ZNF385D: variants seen among roughly 807,000 people sequenced by gnomAD.
The protein encoded by ZNF385D is zinc finger protein 659.
Under a neutral mutation model 35.8 loss-of-function variants are expected in ZNF385D, and 15 were observed. The observed-to-expected ratio is 0.42, with a 90% CI of 0.28 to 0.64. The LOEUF (loss-of-function observed/expected upper bound fraction) is 0.64. ZNF385D is among the 30% of genes least tolerant of loss of function. The pLI is 0.23. For missense variants in ZNF385D, 474 were observed against 494.6 expected (o/e 0.96, Z 0.39); for synonymous variants, 212 against 186.8 (o/e 1.13, Z -1.10).
intron 3 of ZNF385D, among the ~76,000 whole-genome samples, chr3:21,939,840 G>C (rs473544): frequency 6.6e-6 from 1 of 152,138 alleles, no homozygotes; most frequent in Non-Finnish European, 1.5e-5. Context: ...CCTCAGATGT[G>C]AGAGATCTAT....
chr3:22,040,932 A>G (rs61421222), intron 3 of ZNF385D, among the ~76,000 whole-genome samples: 2,632 of 152,238 alleles, frequency 0.017, 85 homozygotes, highest in African/African-American at 0.058. Flanking sequence ...TATAATTTAT[A>G]TACCATACAA....
chr3:22,045,861 G>C (rs531748899), intron 3 of ZNF385D, among the ~76,000 whole-genome samples: 1 of 151,994 alleles, frequency 6.6e-6, no homozygotes, highest in African/African-American at 2.4e-5. Context: ...CTCAAAACTC[G>C]AGCTCTTTGC....
At chr3:21,880,200 C>T (rs926927309) in intron 3 of ZNF385D, among the ~76,000 whole-genome samples, 1 of 151,862 alleles carries the variant, frequency 6.6e-6, no homozygotes, top group African/African-American at 2.4e-5. Context: ...TCAGTAGGAT[C>T]AGCCTCACTT....
chr3:21,958,678 C>A (rs259565), intron 3 of ZNF385D, among the ~76,000 whole-genome samples: 3,442 of 152,120 alleles, frequency 0.023, 76 homozygotes, highest in Middle Eastern at 0.092. Context: ...AACTGCATAA[C>A]CTATTTTTCT....
chr3:21,811,592 T>C (rs1356312065), intron 3 of ZNF385D, among the ~76,000 whole-genome samples: 1 of 152,170 alleles, frequency 6.6e-6, no homozygotes, highest in Non-Finnish European at 1.5e-5. Context: ...TGTATGGCGA[T>C]AACTAACTTC....
intron 2 of ZNF385D, among the ~76,000 whole-genome samples, chr3:21,609,246 C>T (rs2064594391): frequency 6.6e-6 from 1 of 152,216 alleles, no homozygotes; most frequent in East Asian, 1.9e-4. Context: ...CATTAACACA[C>T]AGCTCTCGCC....
At chr3:21,534,010 A>T (rs1411070378) in intron 3 of ZNF385D, among the ~76,000 whole-genome samples, 2 of 152,064 alleles carry the variant, frequency 1.3e-5, no homozygotes, top group Non-Finnish European at 1.5e-5. Flanking sequence ...GAAAATTAAC[A>T]CTGAATACTT....
intron 3 of ZNF385D, among the ~76,000 whole-genome samples, chr3:21,542,085 G>T (rs1302823866): frequency 6.6e-6 from 1 of 152,076 alleles, no homozygotes; most frequent in Non-Finnish European, 1.5e-5. Flanking sequence ...AAACTCGGAG[G>T]CTTCTACAAA....
chr3:21,705,563 T>A (rs1045001486), intron 1 of ZNF385D, among the ~76,000 whole-genome samples: 3 of 152,206 alleles, frequency 2.0e-5, no homozygotes, highest in Non-Finnish European at 4.4e-5. Context: ...TACGTGGGCA[T>A]GGGAAGGCAA....
chr3:21,551,029 C>T (rs2062550740), intron 3 of ZNF385D, among the ~76,000 whole-genome samples: 1 of 152,126 alleles, frequency 6.6e-6, no homozygotes, highest in Admixed American at 6.5e-5. Context: ...CATGTTTATG[C>T]TTGAATTGTT....
At chr3:22,367,862 G>T (rs1485048918) in intron 2 of ZNF385D, among the ~76,000 whole-genome samples, 2 of 152,144 alleles carry the variant, frequency 1.3e-5, no homozygotes, top group African/African-American at 4.8e-5. Context: ...TGTTATGAGA[G>T]ACTCTCAGGA....
At chr3:21,827,639 C>T (rs1322981466) in intron 3 of ZNF385D, among the ~76,000 whole-genome samples, 1 of 152,160 alleles carries the variant, frequency 6.6e-6, no homozygotes, top group African/African-American at 2.4e-5. Flanking sequence ...GTAGCCACAG[C>T]ATCTTACATT....
intron 2 of ZNF385D, among the ~76,000 whole-genome samples, chr3:22,359,049 C>G (rs1469717287): frequency 7.9e-5 from 5 of 63,356 alleles, no homozygotes; most frequent in Non-Finnish European, 1.5e-4. Flanking sequence ...CGTATTAAAA[C>G]AAACAAACAA....
intron 2 of ZNF385D, among the ~76,000 whole-genome samples, chr3:22,254,237 C>A (rs1436535228): frequency 6.6e-6 from 1 of 151,706 alleles, no homozygotes; most frequent in East Asian, 1.9e-4. Context: ...ATAAATATTT[C>A]AAAACTATTG....
intron 3 of ZNF385D, among the ~76,000 whole-genome samples, chr3:21,804,747 A>G (rs1323583302): frequency 6.7e-6 from 1 of 148,546 alleles, no homozygotes; most frequent in Non-Finnish European, 1.5e-5. Context: ...AATTTTACAG[A>G]TGAAGACACT....
intron 3 of ZNF385D, among the ~76,000 whole-genome samples, chr3:22,119,676 C>A (rs1209233305): frequency 1.3e-5 from 2 of 152,064 alleles, no homozygotes; most frequent in East Asian, 3.9e-4. Flanking sequence ...GTTGCTGGAG[C>A]CTCTTAGGCA....
intron 3 of ZNF385D, among the ~76,000 whole-genome samples, chr3:21,560,928 G>T (rs901454684): frequency 2.0e-5 from 3 of 152,106 alleles, no homozygotes; most frequent in African/African-American, 7.2e-5. Flanking sequence ...GATCTTCCTG[G>T]TGGCTTTGTT....
At chr3:22,057,864 C>A (rs1233110483) in intron 3 of ZNF385D, among the ~76,000 whole-genome samples, 1 of 152,092 alleles carries the variant, frequency 6.6e-6, no homozygotes, top group African/African-American at 2.4e-5. Context: ...ACCCTGGAAG[C>A]AGTAAATGGA....
chr3:21,864,927 TAGTCAAA>T (rs991984590), intron 3 of ZNF385D, among the ~76,000 whole-genome samples: 2 of 146,712 alleles, frequency 1.4e-5, no homozygotes, highest in Non-Finnish European at 3.0e-5. Context: ...ACTTACCAAA[TAGTCAAA>T]CATCGTTAGT....
Sources: gnomAD v4.1 joint callset for allele counts (sites outside exome capture counted in the v4.1 genomes callset) on GRCh38, gnomAD v4.1.1 for gene constraint, MANE v1.5 for transcripts, NCBI Gene and HGNC (gene_info 2026-07-23, HGNC 2026-07-21) for gene names.